The following PRKN variants were observed in gnomAD, a reference collection of about 807,000 sequenced individuals.
PRKN encodes the protein E3 ubiquitin-protein ligase parkin.
A neutral mutation model predicts 59.5 loss-of-function variants in PRKN; 56 were observed. That is an observed-to-expected ratio of 0.94 (90% CI 0.76 to 1.18). The LOEUF (loss-of-function observed/expected upper bound fraction) is 1.18. Among genes scored for constraint, PRKN ranks in the 50% most tolerant of loss-of-function variants. The pLI is 0.00. For synonymous variants in PRKN, 250 were observed against 222.1 expected, an observed-to-expected ratio of 1.13 and a Z score of -1.12; for missense variants, 657 against 596.4, an observed-to-expected ratio of 1.10 and a Z score of -1.06.
chr6:161,398,120 C>G (rs1169604208), intron 9 of PRKN, among the ~76,000 whole-genome samples: 1 of 152,036 alleles, frequency 6.6e-6, no homozygotes, highest in Non-Finnish European at 1.5e-5. Flanking sequence ...CAGCAAAATC[C>G]TAGGAGAGTC....
intron 6 of PRKN, among the ~76,000 whole-genome samples, chr6:161,947,649 C>A (rs185560781): frequency 5.3e-5 from 8 of 152,234 alleles, no homozygotes; most frequent in Admixed American, 4.6e-4. Context: ...GTAGTTGATT[C>A]GCAAGAAAGA....
chr6:161,450,820 G>T (rs569636434), intron 9 of PRKN, among the ~76,000 whole-genome samples: 9 of 152,292 alleles, frequency 5.9e-5, no homozygotes, highest in South Asian at 4.1e-4. Flanking sequence ...CTCCCAAAGT[G>T]CTGGGATTAC....
chr6:162,477,969 T>A (rs899225731), intron 1 of PRKN, among the ~76,000 whole-genome samples: 1 of 152,102 alleles, frequency 6.6e-6, no homozygotes, highest in Non-Finnish European at 1.5e-5. Flanking sequence ...CTCAGTACAG[T>A]GCAGAGTCCC....
chr6:162,456,956 TA>T (rs1790904411), intron 1 of PRKN, among the ~76,000 whole-genome samples: 1 of 152,070 alleles, frequency 6.6e-6, no homozygotes, highest in Admixed American at 6.5e-5. Flanking sequence ...AAATCACCAA[TA>T]AAAAGCACCA....
chr6:162,360,597 CA>C (rs1353675986), intron 2 of PRKN, among the ~76,000 whole-genome samples: 3 of 151,786 alleles, frequency 2.0e-5, no homozygotes, highest in African/African-American at 7.3e-5. Flanking sequence ...AAAAAACAAA[CA>C]AAAAAACCAA....
chr6:162,414,124 A>G (rs564884594), intron 2 of PRKN, among the ~76,000 whole-genome samples: 11 of 152,228 alleles, frequency 7.2e-5, no homozygotes, highest in African/African-American at 2.6e-4. Flanking sequence ...TGGAGACTGC[A>G]GTGAGCTGAA....
At chr6:161,351,374 G>T (rs1038156940) in intron 11 of PRKN, among the ~76,000 whole-genome samples, 14 of 150,888 alleles carry the variant, frequency 9.3e-5, no homozygotes, top group African/African-American at 3.4e-4. Context: ...GTCCAGGCTG[G>T]AGTGCAGTGG....
rs571164195 is a variant in PRKN, at chr6:161,468,312, G to A, written c.1083+80542C>T. 6.6e-6 allele frequency among the ~76,000 whole-genome samples: 1 copy of A among 152,006 alleles called. No individual in the cohort carries two copies. The highest frequency in any genetic ancestry group is 1.5e-5 in the Non-Finnish European group (1 of 67,980). ...TTAAAACAAAAACAAAAAAAAAACAGCCAAACCTAATCTTCAATCTGAAAT... is the reference window on the plus strand; with the variant it reads ...TTAAAACAAAAACAAAAAAAAAACAACCAAACCTAATCTTCAATCTGAAAT... On this transcript the variant is annotated intron_variant, in intron 9 of 11. Coordinates refer to ENST00000366898, the MANE Select transcript of PRKN (RefSeq NM_004562.3). The surrounding 1 kb of genome is among the most constrained non-coding windows in gnomAD (Gnocchi z 5.9).
intron 7 of PRKN, among the ~76,000 whole-genome samples, chr6:161,695,268 C>T (rs145793810): frequency 9.9e-4 from 150 of 152,206 alleles, no homozygotes; most frequent in Non-Finnish European, 1.6e-3. Context: ...TAGAATATAC[C>T]GGGAGCCAAG....
chr6:162,715,805 T>A (rs4554301), intron 1 of PRKN, among the ~76,000 whole-genome samples: 26,994 of 152,152 alleles, frequency 0.18, 3,088 homozygotes, highest in East Asian at 0.47. Context: ...CTACTCATCC[T>A]TCCCAACACA....
intron 10 of PRKN, among the ~76,000 whole-genome samples, chr6:161,374,314 G>T (rs909925558): frequency 6.6e-6 from 1 of 151,514 alleles, no homozygotes; most frequent in South Asian, 2.1e-4. Flanking sequence ...GTGCGCGTGT[G>T]TTGTGTGTGT....
At chr6:162,330,195 T>C (rs528399279) in intron 2 of PRKN, among the ~76,000 whole-genome samples, 1 of 152,326 alleles carries the variant, frequency 6.6e-6, no homozygotes, top group Non-Finnish European at 1.5e-5. Context: ...CATGTGCCTC[T>C]ATAATTATGC....
rs561041587 is a variant in PRKN at position 161,352,069 on chromosome 6, A to G, written c.1286-1858T>C. Among the ~76,000 whole-genome samples the G allele has an allele frequency of 6.6e-6, 1 of 152,316 alleles. No homozygotes were observed. The highest frequency in any genetic ancestry group is 1.5e-5 in the Non-Finnish European group (1 of 68,034). Reference sequence around the variant, plus strand: ...GATGTACAGAGAACTGTTTCTGTCCAAATTTCCTGGAAAACCCCGGCAAAC... The same window carrying G: ...GATGTACAGAGAACTGTTTCTGTCCGAATTTCCTGGAAAACCCCGGCAAAC... On this transcript the variant is annotated intron_variant, in intron 11 of 11. Transcript: ENST00000366898. This position sits in a 1 kb window ranked among gnomAD's most constrained non-coding sequence, Gnocchi z 5.8.
intron 7 of PRKN, among the ~76,000 whole-genome samples, chr6:161,737,319 A>G (rs1457559382): frequency 6.6e-6 from 1 of 152,352 alleles, no homozygotes; most frequent in Admixed American, 6.5e-5. Context: ...GGATGGAGCG[A>G]TGAGGACAGC....
intron 1 of PRKN, among the ~76,000 whole-genome samples, chr6:162,651,293 T>G (rs1406745494): frequency 6.6e-6 from 1 of 152,192 alleles, no homozygotes; most frequent in African/African-American, 2.4e-5. Flanking sequence ...GATGTACATC[T>G]TCATCGATGT....
rs1470485436 is a variant in PRKN, at chr6:161,576,227, A to C, written c.872-6811T>G. ...CATTATCGTTTTCATAAATAAAGCC[A>C]AGCTTATTTTAATCCTTTCTCTCTG... On this transcript the variant is annotated intron_variant, in intron 7 of 11. Transcript: ENST00000366898. The surrounding 1 kb of genome is among the most constrained non-coding windows in gnomAD (Gnocchi z 4.6). Among the ~76,000 whole-genome samples the C allele has an allele frequency of 6.6e-6, 1 of 152,228 alleles. No homozygotes were observed. The highest frequency in any genetic ancestry group is 1.9e-4 in the East Asian group (1 of 5,198).
chr6:161,805,478 A>ACACACGCATGCATG (rs61442187), intron 6 of PRKN, among the ~76,000 whole-genome samples: 1 of 149,364 alleles, frequency 6.7e-6, no homozygotes, highest in Non-Finnish European at 1.5e-5. Flanking sequence ...ACACACACAC[A>ACACACGCATGCATG]CATGCATGTA....
intron 6 of PRKN, among the ~76,000 whole-genome samples, chr6:161,871,702 A>C (rs1794348383): frequency 6.6e-6 from 1 of 152,134 alleles, no homozygotes; most frequent in African/African-American, 2.4e-5. Context: ...TTTGGTGGCT[A>C]TCATATGAAG....
chr6:162,694,055 G>A (rs188295775), intron 1 of PRKN, among the ~76,000 whole-genome samples: 1 of 151,954 alleles, frequency 6.6e-6, no homozygotes, highest in African/African-American at 2.4e-5. Flanking sequence ...AGATCATCCT[G>A]GCTAACACGG....
Sources: gnomAD v4.1 joint callset for allele counts (sites outside exome capture counted in the v4.1 genomes callset) on GRCh38, gnomAD v4.1.1 for gene constraint, Gnocchi (gnomAD v3.1) non-coding constraint, MANE v1.5 for transcripts, NCBI Gene and HGNC (gene_info 2026-07-23, HGNC 2026-07-21) for gene names.